SAMD5: variants seen among roughly 807,000 people sequenced by gnomAD.
SAMD5 encodes the protein sterile alpha motif domain containing 5.
Under a neutral mutation model 11.3 loss-of-function variants are expected in SAMD5, and 13 were observed. That is an observed-to-expected ratio of 1.15 (90% CI 0.75 to 1.83). The LOEUF (loss-of-function observed/expected upper bound fraction) is 1.83. Among genes scored for constraint, SAMD5 ranks in the 40% most tolerant of loss-of-function variants. The probability of loss-of-function intolerance (pLI) is 0.00; values close to 1 mark genes in which losing one functional copy is unlikely to be tolerated. For synonymous variants in SAMD5, 129 were observed against 111.3 expected (o/e 1.16, Z -1.00); for missense variants, 255 against 239.1 (o/e 1.07, Z -0.44).
chr6:147,775,634 C>T, the SAMD5 span, among the ~76,000 whole-genome samples: 1 of 152,164 alleles, frequency 6.6e-6, no homozygotes, highest in African/African-American at 2.4e-5. Context: ...TATGGGTGAT[C>T]AGATACCCAA....
the SAMD5 span, among the ~76,000 whole-genome samples, chr6:147,820,196 T>G: frequency 6.6e-6 from 1 of 152,212 alleles, no homozygotes; most frequent in Non-Finnish European, 1.5e-5. Flanking sequence ...ATTCACCTGC[T>G]TTAAACATAT....
At chr6:147,669,420 C>CTTTTTTTTTTTTTTTTT (rs55877273) in intron 1 of SAMD5, among the ~76,000 whole-genome samples, 2 of 74,516 alleles carry the variant, frequency 2.7e-5, no homozygotes, top group African/African-American at 5.3e-5. Flanking sequence ...AGCTCCACTT[C>CTTTTTTTTTTTTTTTTT]TTTTTTTTTT....
chr6:147,762,267 G>A, the SAMD5 span, among the ~76,000 whole-genome samples: 3 of 152,098 alleles, frequency 2.0e-5, no homozygotes, highest in South Asian at 2.1e-4. Flanking sequence ...GTACAGTGGC[G>A]CAACCTCAGC....
chr6:147,893,944 T>C, the SAMD5 span, among the ~76,000 whole-genome samples: 1 of 152,176 alleles, frequency 6.6e-6, no homozygotes. Context: ...TTTTTCATAA[T>C]ATGTATCATG....
intron 1 of SAMD5, among the ~76,000 whole-genome samples, chr6:147,644,316 A>G (rs1406713660): frequency 6.6e-6 from 1 of 152,186 alleles, no homozygotes; most frequent in Non-Finnish European, 1.5e-5. Flanking sequence ...GAGAGTTGGG[A>G]GTGGACCTGG....
chr6:147,542,129 T>A (rs1302373366), intron 1 of SAMD5, among the ~76,000 whole-genome samples: 1 of 152,204 alleles, frequency 6.6e-6, no homozygotes, highest in Non-Finnish European at 1.5e-5. Context: ...AAGGGACGTC[T>A]TCCCAGGACT....
chr6:147,766,756 G>T, the SAMD5 span, among the ~76,000 whole-genome samples: 1 of 152,144 alleles, frequency 6.6e-6, no homozygotes, highest in Admixed American at 6.5e-5. Flanking sequence ...AAAGAGAGTT[G>T]ACAGAATGAC....
the SAMD5 span, among the ~76,000 whole-genome samples, chr6:147,936,236 G>A: frequency 1.3e-5 from 2 of 152,164 alleles, no homozygotes; most frequent in African/African-American, 2.4e-5. Context: ...GTATTAGTAG[G>A]CCATTCTTGC....
At chr6:147,807,544 G>A in the SAMD5 span, among the ~76,000 whole-genome samples, 1 of 152,062 alleles carries the variant, frequency 6.6e-6, no homozygotes, top group Non-Finnish European at 1.5e-5. Flanking sequence ...TAGTTATTAA[G>A]TACTCCATTT....
chr6:147,657,239 T>C (rs1323963694), intron 1 of SAMD5, among the ~76,000 whole-genome samples: 1 of 152,072 alleles, frequency 6.6e-6, no homozygotes, highest in Non-Finnish European at 1.5e-5. Flanking sequence ...GAAAATGGTA[T>C]AAAAGGCACA....
chr6:147,568,753 A>G lies in SAMD5; in HGVS notation c.*4297A>G, dbSNP rs1789084351. ...AGCTCCCTCAGTTGTCATCAATTAC[A>G]TATTCCTACATCAGATATTTTACAC... On this transcript the variant is annotated 3_prime_UTR_variant, in exon 2 of 2. Transcript: ENST00000367474. 2.0e-6 allele frequency: 2 copies of G among 975,666 alleles called. No individual in the cohort carries two copies. Among genetic ancestry groups the G allele is most frequent in the Non-Finnish European group, 2.4e-6 (2 of 821,100 alleles). 60.4% of individuals were successfully genotyped at this position (975,666 alleles called of 1,614,324 possible). A position where few individuals can be genotyped will look rare whatever the true frequency, so the allele number is the denominator to read the frequency against.
At chr6:147,944,514 C>T in the SAMD5 span, among the ~76,000 whole-genome samples, 1 of 152,196 alleles carries the variant, frequency 6.6e-6, no homozygotes, top group East Asian at 1.9e-4. Context: ...GGTTTCCTCC[C>T]CTAACACATG....
At chr6:147,941,254 A>T in the SAMD5 span, among the ~76,000 whole-genome samples, 1 of 150,362 alleles carries the variant, frequency 6.7e-6, no homozygotes, top group Non-Finnish European at 1.5e-5. Context: ...AATGCATGCC[A>T]TCTGGTGATT....
intron 1 of SAMD5, among the ~76,000 whole-genome samples, chr6:147,674,138 CA>C (rs1164208845): frequency 6.6e-6 from 1 of 152,078 alleles, no homozygotes; most frequent in Non-Finnish European, 1.5e-5. Flanking sequence ...AAAAGGGGGA[CA>C]GGGGCTGTCA....
At chr6:147,828,235 A>C in the SAMD5 span, among the ~76,000 whole-genome samples, 2 of 152,228 alleles carry the variant, frequency 1.3e-5, no homozygotes, top group Admixed American at 6.5e-5. Context: ...GGACCATACA[A>C]ATTCTTTTCC....
At chr6:147,627,476 T>A (rs1790072841) in intron 1 of SAMD5, among the ~76,000 whole-genome samples, 1 of 152,220 alleles carries the variant, frequency 6.6e-6, no homozygotes, top group Non-Finnish European at 1.5e-5. Context: ...TCTCTTTTTT[T>A]AAATGCTTCA....
chr6:147,699,121 T>G (rs1275596091), intron 1 of SAMD5, among the ~76,000 whole-genome samples: 3 of 152,146 alleles, frequency 2.0e-5, no homozygotes, highest in Non-Finnish European at 4.4e-5. Context: ...GCCTGATTTC[T>G]GACAACTCCC....
the SAMD5 span, among the ~76,000 whole-genome samples, chr6:147,791,393 T>G: frequency 7.3e-3 from 1,105 of 152,234 alleles, 16 homozygotes; most frequent in African/African-American, 0.025. Flanking sequence ...TCATCAAAAA[T>G]TTAGGTTGTT....
chr6:147,816,301 A>AAAAAAAAAATATATATATATATATAT, the SAMD5 span, among the ~76,000 whole-genome samples: 1 of 66,354 alleles, frequency 1.5e-5, no homozygotes, highest in African/African-American at 1.0e-4. Flanking sequence ...AAAAAAAAAA[A>AAAAAAAAAATATATATATATATATAT]ATATATATAT....
Sources: allele counts gnomAD v4.1 joint callset (sites outside exome capture counted in the v4.1 genomes callset), GRCh38; gene constraint gnomAD v4.1.1; transcripts MANE v1.5; gene names NCBI Gene and HGNC (gene_info 2026-07-23, HGNC 2026-07-21).